Variants in PLEKHH1 observed in about 807,000 individuals in gnomAD.
PLEKHH1 encodes pleckstrin homology domain-containing family H member 1.
A neutral mutation model predicts 160.0 loss-of-function variants in PLEKHH1; 104 were observed. The ratio of observed to expected loss-of-function variants is 0.65; its 90% CI spans 0.55 to 0.76. The LOEUF (loss-of-function observed/expected upper bound fraction) is 0.76, where lower values mean the gene tolerates loss of function less well. Ranked by LOEUF, PLEKHH1 falls within the 30% of genes least tolerant of loss-of-function variation. The pLI is 0.00. For missense variants in PLEKHH1, 1,427 were observed against 1,724.1 expected (o/e 0.83, Z 3.05); for synonymous variants, 619 against 678.4 (o/e 0.91, Z 1.36).
chr14:67,569,777 G>T (rs2035282181), intron 8 of PLEKHH1, 144 bp from the exon 9 acceptor site: 2 of 648,294 alleles, frequency 3.1e-6, no homozygotes, highest in Admixed American at 2.4e-5. Context: ...AAGGGGAGAA[G>T]ATGAACAGGG....
chr14:67,550,677 G>A (rs1229510132), intron 2 of PLEKHH1, among the ~76,000 whole-genome samples: 1 of 152,192 alleles, frequency 6.6e-6, no homozygotes, highest in Non-Finnish European at 1.5e-5. Flanking sequence ...ATGCTAGTGT[G>A]GCCAGATCTT....
chr14:67,585,503 A>C (rs2036108757), intron 26 of PLEKHH1, 65 bp from the exon 27 acceptor site: 2 of 1,121,114 alleles, frequency 1.8e-6, no homozygotes, highest in Admixed American at 4.3e-5. Context: ...TCTTTCTCAG[A>C]AAGTTATTAT....
chr14:67,578,513 C>T lies in PLEKHH1; in HGVS notation c.2752-21C>T, dbSNP rs369105907. ...TGCTGTAGGCCCAGCACTCACCCCA[C>T]GCTGTCTGTGTCCCTGGCAGTGCTG... is the stretch of plus-strand genomic sequence containing the variant. On this transcript the variant is annotated intron_variant, in intron 19 of 28. Coordinates refer to ENST00000329153, the MANE Select transcript of PLEKHH1 (RefSeq NM_020715.3). This position sits in a 1 kb window ranked among gnomAD's most constrained non-coding sequence, Gnocchi z 5.0. 3.3e-5 allele frequency: 52 copies of T among 1,554,386 alleles called. No individual in the cohort carries two copies. Among genetic ancestry groups the T allele is most frequent in the South Asian group, 4.6e-5 (4 of 87,166 alleles).
intron 5 of PLEKHH1, among the ~76,000 whole-genome samples, chr14:67,559,991 A>G (rs978894474): frequency 2.0e-5 from 3 of 152,180 alleles, no homozygotes; most frequent in South Asian, 4.1e-4. Context: ...CACACAGGCC[A>G]GTGTCCACTC....
intron 1 of PLEKHH1, among the ~76,000 whole-genome samples, chr14:67,538,428 CAT>C (rs373359104): frequency 9.2e-5 from 14 of 152,216 alleles, no homozygotes; most frequent in Admixed American, 9.2e-4. Context: ...AGAAATAACA[CAT>C]GCGTCGCAAT....
At chr14:67,549,472 T>C (rs1260455335) in intron 2 of PLEKHH1, among the ~76,000 whole-genome samples, 1 of 152,132 alleles carries the variant, frequency 6.6e-6, no homozygotes, top group Non-Finnish European at 1.5e-5. Flanking sequence ...GGTTTCACCA[T>C]GTTGGCCAGG....
At chr14:67,545,210 G>A (rs975754390) in intron 2 of PLEKHH1, among the ~76,000 whole-genome samples, 5 of 152,116 alleles carry the variant, frequency 3.3e-5, no homozygotes, top group Admixed American at 3.3e-4. Flanking sequence ...TGACTCGGAG[G>A]TTTCATACCT....
intron 1 of PLEKHH1, among the ~76,000 whole-genome samples, chr14:67,534,726 C>G (rs1467205144): frequency 6.6e-6 from 1 of 152,030 alleles, no homozygotes; most frequent in Non-Finnish European, 1.5e-5. Context: ...AATGTGGAGC[C>G]TCTTCTGCCC....
Position 67,589,352 on chromosome 14 carries a change from C to T in PLEKHH1, c.*2117C>T. On this transcript the variant is annotated 3_prime_UTR_variant, in exon 29 of 29. Transcript: ENST00000329153. Reference sequence around the variant, plus strand: ...TTATTCTTTGTTAACATGAGAGTCCCATGTCTGAAAACCAAAGTCCAATTT... The same window carrying T: ...TTATTCTTTGTTAACATGAGAGTCCTATGTCTGAAAACCAAAGTCCAATTT... 1 of 983,202 alleles carries T rather than the reference C, an allele frequency of 1.0e-6. No individual in the cohort carries two copies. The highest frequency in any genetic ancestry group is 1.2e-6 in the Non-Finnish European group (1 of 827,972). The allele number at this position is 983,202 out of a possible 1,614,324, so 60.9% of individuals were successfully genotyped here. A position where few individuals can be genotyped will look rare whatever the true frequency, so the allele number is the denominator to read the frequency against.
Position 67,551,021 on chromosome 14 carries a change from T to A in PLEKHH1, c.127-4804T>A, listed in dbSNP as rs141633557. Among the ~76,000 whole-genome samples the A allele has an allele frequency of 5.9e-5, 9 of 152,332 alleles. 1 individual carries two copies. Among genetic ancestry groups the A allele is most frequent in the African/African-American group, 2.2e-4 (9 of 41,574 alleles). ...TAGCTACATAAGTGTAGCCTAAATA[T>A]CCTACATGTATATACACACAGCCCT... On this transcript the variant is annotated intron_variant, in intron 2 of 28. Transcript: ENST00000329153.
At position 67,559,630 on chromosome 14, in the gene PLEKHH1, C is replaced by A. The variant is rs538296670; in HGVS notation, c.362C>A (p.Ala121Glu). 1.2e-6 allele frequency: 2 copies of A among 1,602,014 alleles called. No homozygotes were observed. The highest frequency in any genetic ancestry group is 2.2e-5 in the East Asian group (1 of 44,514). Residue 121 changes from alanine to glutamate, a missense_variant, in exon 5 of 29, where the codon GCA (alanine) becomes GAA (glutamate). Coordinates refer to ENST00000329153, the MANE Select transcript of PLEKHH1 (RefSeq NM_020715.3). ...EKQKQMRAEE[A>E]KTVQEKAAKI... ...CAGAAGCAGATGAGGGCAGAGGAAG[C>A]AAAAACTGTTCAAGAAAAAGCTGCA...
Position 67,578,514 on chromosome 14 carries a change from G to C in PLEKHH1, c.2752-20G>C. On this transcript the variant is annotated intron_variant, in intron 19 of 28. Transcript: ENST00000329153. This position sits in a 1 kb window ranked among gnomAD's most constrained non-coding sequence, Gnocchi z 5.0. ...GCTGTAGGCCCAGCACTCACCCCACGCTGTCTGTGTCCCTGGCAGTGCTGG... is the reference window on the plus strand; with the variant it reads ...GCTGTAGGCCCAGCACTCACCCCACCCTGTCTGTGTCCCTGGCAGTGCTGG... 2.6e-6 allele frequency: 4 copies of C among 1,561,426 alleles called. No homozygotes were observed. The highest frequency in any genetic ancestry group is 2.6e-6 in the Non-Finnish European group (3 of 1,138,360).
chr14:67,577,412 A>G lies in PLEKHH1; in HGVS notation c.2572A>G (p.Lys858Glu), dbSNP rs2035670662. The change falls in exon 18 of 29, where the codon AAG (lysine) becomes GAG (glutamate). Residue 858 changes from lysine to glutamate, a missense_variant and splice_region_variant. Physicochemically the swap from Lys to Glu is moderately conservative, Grantham distance 56. This residue lies in a region of PLEKHH1 where 436 missense variants were observed against 607.5 expected (regional missense o/e 0.72). Transcript: ENST00000329153. ...ALQTEALKLF[K>E]SCQLFINVPV... is the part of the protein sequence containing the mutation. ...GCAGACGGAGGCCCTCAAGCTCTTCAAGGTAAATTGGGGTGGCGGCCAGGC... is the reference window on the plus strand; with the variant it reads ...GCAGACGGAGGCCCTCAAGCTCTTCGAGGTAAATTGGGGTGGCGGCCAGGC... 1.3e-6 allele frequency: 2 copies of G among 1,571,510 alleles called. No individual in the cohort carries two copies. The highest frequency in any genetic ancestry group is 2.3e-5 in the East Asian group (1 of 42,590).
At chr14:67,537,343 CA>C (rs1555364821) in intron 1 of PLEKHH1, among the ~76,000 whole-genome samples, 1 of 84,550 alleles carries the variant, frequency 1.2e-5, no homozygotes, top group East Asian at 3.5e-4. Context: ...GACTCCATCT[CA>C]AAAATAATAA....
chr14:67,563,621 C>T lies in PLEKHH1; in HGVS notation c.1263+727C>T, dbSNP rs187760418. Among the ~76,000 whole-genome samples the T allele has an allele frequency of 3.6e-3, 544 of 151,350 alleles. 3 individuals carry two copies. Among genetic ancestry groups the T allele is most frequent in the African/African-American group, 0.013 (524 of 41,216 alleles). Reference sequence around the variant, plus strand: ...GCTAATTTTGTATTTTTAGTAGAGGCAGGGTTTCACCATGTTGGTCAGGCT... The same window carrying T: ...GCTAATTTTGTATTTTTAGTAGAGGTAGGGTTTCACCATGTTGGTCAGGCT... On this transcript the variant is annotated intron_variant, in intron 7 of 28. Coordinates refer to ENST00000329153, the MANE Select transcript of PLEKHH1 (RefSeq NM_020715.3).
intron 28 of PLEKHH1, 107 bp from the exon 29 acceptor site, chr14:67,586,967 T>G (rs1249170220): frequency 1.7e-5 from 26 of 1,539,016 alleles, no homozygotes; most frequent in Non-Finnish European, 2.1e-5. Context: ...TTTTAAGAGA[T>G]TAAATAAACT....
chr14:67,541,774 C>T, intron 1 of PLEKHH1, 60 bp from the exon 2 acceptor site: 1 of 1,206,962 alleles, frequency 8.3e-7, no homozygotes, highest in Non-Finnish European at 1.1e-6. Flanking sequence ...GTTCTTTCCC[C>T]ACAGAACTCT....
At chr14:67,585,285 G>A (rs1290757304) in intron 26 of PLEKHH1, 5 of 344,540 alleles carry the variant, frequency 1.5e-5, no homozygotes, top group African/African-American at 8.7e-5. Context: ...TCCATCCAGT[G>A]TGCTGTGGCA....
chr14:67,543,904 G>A (rs2034073094), intron 2 of PLEKHH1, among the ~76,000 whole-genome samples: 1 of 152,102 alleles, frequency 6.6e-6, no homozygotes, highest in Non-Finnish European at 1.5e-5. Context: ...AATGAAGAGG[G>A]GATAGCCACA....
Sources: allele counts gnomAD v4.1 joint callset (sites outside exome capture counted in the v4.1 genomes callset), GRCh38; gene constraint gnomAD v4.1.1; regional missense constraint gnomAD v4.1.1; non-coding constraint Gnocchi (gnomAD v3.1); transcripts MANE v1.5; gene names NCBI Gene and HGNC (gene_info 2026-07-23, HGNC 2026-07-21).